The following CTNNA2 variants were observed in gnomAD, a reference collection of about 807,000 sequenced individuals.
The protein encoded by CTNNA2 is catenin alpha 2.
CTNNA2 carries 42 observed loss-of-function variants against 101.0 expected under a neutral mutation model. That is an observed-to-expected ratio of 0.42 (90% CI 0.32 to 0.54). CTNNA2 has a LOEUF of 0.54. CTNNA2 is among the 20% of genes least tolerant of loss of function. The probability of loss-of-function intolerance (pLI) is 0.14; values close to 1 mark genes in which losing one functional copy is unlikely to be tolerated. For missense variants in CTNNA2, 871 were observed against 1,223.1 expected, an observed-to-expected ratio of 0.71 and a Z score of 4.29; for synonymous variants, 450 against 456.4, an observed-to-expected ratio of 0.99 and a Z score of 0.18.
At chr2:80,543,901 A>G (rs1691804924) in intron 9 of CTNNA2, among the ~76,000 whole-genome samples, 1 of 152,126 alleles carries the variant, frequency 6.6e-6, no homozygotes, top group African/African-American at 2.4e-5. Flanking sequence ...TGTTTGCTCC[A>G]TAGCTCCTAC....
At chr2:80,580,718 C>T (rs1349593635) in intron 13 of CTNNA2, among the ~76,000 whole-genome samples, 6 of 152,040 alleles carry the variant, frequency 3.9e-5, no homozygotes, top group African/African-American at 1.2e-4. Context: ...TTTAAAAATC[C>T]TAATAATAAT....
chr2:80,210,726 T>C (rs1015912926), intron 7 of CTNNA2, among the ~76,000 whole-genome samples: 1 of 152,212 alleles, frequency 6.6e-6, no homozygotes, highest in Non-Finnish European at 1.5e-5. Flanking sequence ...TTTGGGTATA[T>C]ACCCAGTAAT....
rs75641345 is a variant in CTNNA2 at position 79,501,064 on chromosome 2, G to T, written c.-134-3990G>T. 0.011 allele frequency among the ~76,000 whole-genome samples: 1,665 copies of T among 152,206 alleles called. 88 individuals carry two copies. The East Asian group carries it at 0.14, about 13-fold the overall frequency. ...TCCTGAATTAGACCTCTAAATTACA[G>T]TCTATTGTTTTAAAACAATAAGGTA... On this transcript the variant is annotated intron_variant, in intron 4 of 21. Coordinates refer to the CTNNA2 transcript ENST00000466387.
At chr2:79,395,519 G>A (rs536928836) in intron 4 of CTNNA2, among the ~76,000 whole-genome samples, 1 of 152,010 alleles carries the variant, frequency 6.6e-6, no homozygotes, top group Admixed American at 6.6e-5. Flanking sequence ...ATGTGCAGAA[G>A]AGAAAATTTT....
At chr2:80,222,781 ATC>A (rs1382616539) in intron 7 of CTNNA2, among the ~76,000 whole-genome samples, 1 of 152,228 alleles carries the variant, frequency 6.6e-6, no homozygotes, top group Non-Finnish European at 1.5e-5. Context: ...TTTAGCTATA[ATC>A]TCAAATCCCA....
intron 7 of CTNNA2, among the ~76,000 whole-genome samples, chr2:80,182,913 ACAT>A (rs1705873024): frequency 6.6e-6 from 1 of 152,214 alleles, no homozygotes; most frequent in Non-Finnish European, 1.5e-5. Context: ...CAAAGGCATG[ACAT>A]CTGAGCACCA....
intron 7 of CTNNA2, among the ~76,000 whole-genome samples, chr2:80,045,247 AGAG>A (rs1574626421): frequency 6.6e-6 from 1 of 152,218 alleles, no homozygotes; most frequent in East Asian, 1.9e-4. Context: ...ATTGTACCCA[AGAG>A]GAGGAGACAG....
At chr2:79,262,133 G>A (rs1674930311) in intron 2 of CTNNA2, among the ~76,000 whole-genome samples, 2 of 152,058 alleles carry the variant, frequency 1.3e-5, no homozygotes, top group Admixed American at 6.6e-5. Flanking sequence ...CATTGAGCCT[G>A]AATAAAGAGA....
intron 2 of CTNNA2, among the ~76,000 whole-genome samples, chr2:79,226,028 TCAACTGAGTGC>T (rs1390979870): frequency 6.6e-6 from 1 of 152,160 alleles, no homozygotes; most frequent in Non-Finnish European, 1.5e-5. Flanking sequence ...ATGTGAGAAA[TCAACTGAGTGC>T]CAAAGTCTTA....
intron 1 of CTNNA2, among the ~76,000 whole-genome samples, chr2:79,539,140 A>G (rs371930049): frequency 1.3e-5 from 2 of 152,182 alleles, no homozygotes; most frequent in East Asian, 3.8e-4. Flanking sequence ...GTCCAAGAAG[A>G]CCATATGGTG....
intron 3 of CTNNA2, among the ~76,000 whole-genome samples, chr2:79,335,616 A>T (rs992766126): frequency 2.0e-5 from 3 of 152,230 alleles, no homozygotes; most frequent in Non-Finnish European, 4.4e-5. Context: ...AAATTTCTAG[A>T]CATAAAAATA....
chr2:79,809,986 C>G (rs1220102385), intron 3 of CTNNA2, among the ~76,000 whole-genome samples: 1 of 152,070 alleles, frequency 6.6e-6, no homozygotes, highest in African/African-American at 2.4e-5. Flanking sequence ...AATAGTAAAA[C>G]CATCGACACT....
At chr2:79,292,021 G>T (rs1573042941) in intron 2 of CTNNA2, among the ~76,000 whole-genome samples, 2 of 152,092 alleles carry the variant, frequency 1.3e-5, no homozygotes, top group African/African-American at 4.8e-5. Flanking sequence ...GCTCACCTGT[G>T]GGGGTGGTTG....
intron 3 of CTNNA2, among the ~76,000 whole-genome samples, chr2:79,342,200 T>C (rs1178041738): frequency 2.0e-5 from 3 of 152,188 alleles, no homozygotes; most frequent in Admixed American, 2.0e-4. Context: ...AGATGGAAAG[T>C]ACGGAGGTAT....
intron 7 of CTNNA2, among the ~76,000 whole-genome samples, chr2:80,025,408 G>T (rs1005996639): frequency 6.6e-6 from 1 of 152,182 alleles, no homozygotes; most frequent in African/African-American, 2.4e-5. Flanking sequence ...GGAAGGAACA[G>T]CTATCTCCTC....
At chr2:80,604,512 A>G (rs753143847) in intron 16 of CTNNA2, among the ~76,000 whole-genome samples, 14 of 152,064 alleles carry the variant, frequency 9.2e-5, no homozygotes, top group Non-Finnish European at 1.3e-4. Context: ...GAAGGGGGGA[A>G]AAGCAGGTTT....
chr2:79,793,928 G>C (rs1460615858), intron 3 of CTNNA2, among the ~76,000 whole-genome samples: 1 of 127,202 alleles, frequency 7.9e-6, no homozygotes, highest in African/African-American at 3.6e-5. Context: ...ACAGAAGAAG[G>C]AGATAAAACA....
At chr2:80,210,630 T>C (rs1707827411) in intron 7 of CTNNA2, among the ~76,000 whole-genome samples, 1 of 152,200 alleles carries the variant, frequency 6.6e-6, no homozygotes, top group Non-Finnish European at 1.5e-5. Context: ...ACATTTGGGT[T>C]GGTTCCAAGT....
chr2:79,434,773 G>T (rs2104513137), intron 4 of CTNNA2, among the ~76,000 whole-genome samples: 1 of 152,316 alleles, frequency 6.6e-6, no homozygotes, highest in African/African-American at 2.4e-5. Flanking sequence ...GTGAGAAACA[G>T]GGACAGTGGT....
Sources: gnomAD v4.1 joint callset for allele counts (sites outside exome capture counted in the v4.1 genomes callset) on GRCh38, gnomAD v4.1.1 for gene constraint, MANE v1.5 for transcripts, NCBI Gene and HGNC (gene_info 2026-07-23, HGNC 2026-07-21) for gene names.